Variants in CTNNA3 observed in about 807,000 individuals in gnomAD.
CTNNA3 encodes the protein catenin alpha-3.
CTNNA3 carries 76 observed loss-of-function variants against 95.7 expected under a neutral mutation model. The observed-to-expected ratio is 0.79, with a 90% CI of 0.66 to 0.96. The LOEUF is 0.96. Among genes scored for constraint, CTNNA3 ranks in the 40% least tolerant of loss-of-function variants. The pLI is 0.00. For missense variants in CTNNA3, 1,191 were observed against 1,089.8 expected, an observed-to-expected ratio of 1.09 and a Z score of -1.31; for synonymous variants, 431 against 374.4, an observed-to-expected ratio of 1.15 and a Z score of -1.74.
At chr10:66,460,529 C>T (rs896825484) in intron 11 of CTNNA3, among the ~76,000 whole-genome samples, 3 of 151,978 alleles carry the variant, frequency 2.0e-5, no homozygotes, top group African/African-American at 4.8e-5. Flanking sequence ...AAGGTTTTTT[C>T]CCCCTGCCCT....
At chr10:65,942,965 A>G (rs1324863040) in intron 17 of CTNNA3, among the ~76,000 whole-genome samples, 3 of 152,234 alleles carry the variant, frequency 2.0e-5, no homozygotes, top group Admixed American at 6.5e-5. Context: ...AGTAAAATAT[A>G]TAAAGAACTT....
At chr10:67,117,885 A>G (rs1859265707) in intron 7 of CTNNA3, among the ~76,000 whole-genome samples, 1 of 152,150 alleles carries the variant, frequency 6.6e-6, no homozygotes, top group African/African-American at 2.4e-5. Context: ...TCTGAATAAT[A>G]TGGAAGCACA....
At chr10:66,493,871 C>T (rs1340429488) in intron 11 of CTNNA3, among the ~76,000 whole-genome samples, 1 of 145,124 alleles carries the variant, frequency 6.9e-6, no homozygotes, top group African/African-American at 2.6e-5. Context: ...TCCCAAAGTG[C>T]TGGGATTACA....
chr10:66,353,007 T>C (rs1319261529), intron 12 of CTNNA3, among the ~76,000 whole-genome samples: 1 of 152,076 alleles, frequency 6.6e-6, no homozygotes, highest in Non-Finnish European at 1.5e-5. Context: ...GTGATTATTT[T>C]ATTATCATTA....
At chr10:67,572,108 A>G (rs1366746943) in intron 3 of CTNNA3, among the ~76,000 whole-genome samples, 8 of 152,224 alleles carry the variant, frequency 5.3e-5, no homozygotes, top group Admixed American at 5.2e-4. Context: ...TGTTGAAATG[A>G]TATATTTTAG....
chr10:66,835,617 C>A lies in CTNNA3; in HGVS notation c.1048-60093G>T, dbSNP rs575310603. 4.1e-4 allele frequency among the ~76,000 whole-genome samples: 63 copies of A among 152,262 alleles called. 2 individuals are homozygous for A. The South Asian group carries it at 0.013, about 31-fold the overall frequency. On this transcript the variant is annotated intron_variant, in intron 7 of 17. Transcript: ENST00000433211. ...CTGGAAGTGATACTTTTGACACACC[C>A]CCACCACCACCCACTGTGGGTGCTA...
At chr10:66,340,750 T>TGA (rs1455478700) in intron 12 of CTNNA3, among the ~76,000 whole-genome samples, 1 of 151,766 alleles carries the variant, frequency 6.6e-6, no homozygotes, top group Non-Finnish European at 1.5e-5. Flanking sequence ...GTAACCATCC[T>TGA]GAGAGATATA....
At chr10:66,935,993 T>C (rs1847674115) in intron 7 of CTNNA3, among the ~76,000 whole-genome samples, 1 of 152,144 alleles carries the variant, frequency 6.6e-6, no homozygotes, top group African/African-American at 2.4e-5. Flanking sequence ...AACATCCCTC[T>C]GCTAGTTAAA....
At chr10:67,145,965 A>C (rs1038470700) in intron 7 of CTNNA3, among the ~76,000 whole-genome samples, 2 of 152,092 alleles carry the variant, frequency 1.3e-5, no homozygotes. Flanking sequence ...TAGGAGAAAA[A>C]ATTTCTTCCT....
intron 10 of CTNNA3, among the ~76,000 whole-genome samples, chr10:66,548,239 T>C (rs1467474277): frequency 1.3e-5 from 2 of 152,130 alleles, no homozygotes; most frequent in African/African-American, 4.8e-5. Context: ...TTTGATATTA[T>C]TGAATATATT....
At chr10:66,779,672 C>G (rs1840453932) in intron 7 of CTNNA3, among the ~76,000 whole-genome samples, 1 of 152,098 alleles carries the variant, frequency 6.6e-6, no homozygotes, top group Non-Finnish European at 1.5e-5. Flanking sequence ...GGTTATGGAC[C>G]TCTTTCAAGG....
chr10:67,237,246 T>C (rs1865528550), intron 5 of CTNNA3, among the ~76,000 whole-genome samples: 1 of 145,682 alleles, frequency 6.9e-6, no homozygotes, highest in African/African-American at 2.5e-5. Context: ...CTGGATGAGA[T>C]TGGATACTAT....
intron 5 of CTNNA3, among the ~76,000 whole-genome samples, chr10:67,496,402 T>C (rs1264907050): frequency 6.6e-6 from 1 of 152,170 alleles, no homozygotes. Context: ...CAGCCTTTCA[T>C]AATTTACTAC....
chr10:67,102,549 G>A (rs2131948297), intron 7 of CTNNA3, among the ~76,000 whole-genome samples: 1 of 151,762 alleles, frequency 6.6e-6, no homozygotes, highest in East Asian at 1.9e-4. Flanking sequence ...AACCATCTAG[G>A]ACTTAGGCTA....
intron 5 of CTNNA3, among the ~76,000 whole-genome samples, chr10:67,484,630 A>G (rs1848373923): frequency 6.6e-6 from 1 of 152,206 alleles, no homozygotes; most frequent in Non-Finnish European, 1.5e-5. Context: ...ACCCCATTAA[A>G]AAGTGAGCAA....
At chr10:66,315,981 C>T (rs10822805) in intron 12 of CTNNA3, among the ~76,000 whole-genome samples, 18,181 of 151,972 alleles carry the variant, frequency 0.12, 1,292 homozygotes, top group East Asian at 0.25. Context: ...TCTTGAAAAC[C>T]GCAACTTTAA....
At chr10:66,856,297 C>T (rs527593548) in intron 7 of CTNNA3, among the ~76,000 whole-genome samples, 2 of 152,202 alleles carry the variant, frequency 1.3e-5, no homozygotes, top group African/African-American at 2.4e-5. Flanking sequence ...ATATGTACCA[C>T]ATTTTCTTTA....
chr10:67,192,236 C>T (rs1049358110), intron 6 of CTNNA3, among the ~76,000 whole-genome samples: 3 of 151,722 alleles, frequency 2.0e-5, no homozygotes, highest in African/African-American at 7.3e-5. Context: ...TTAAGTGGGA[C>T]TACTTATAAA....
chr10:67,633,498 C>T (rs1479511930), intron 2 of CTNNA3, among the ~76,000 whole-genome samples: 1 of 152,274 alleles, frequency 6.6e-6, no homozygotes, highest in African/African-American at 2.4e-5. Context: ...CATGTCAGTA[C>T]CCCCACTGGG....
Sources: gnomAD v4.1 joint callset for allele counts (sites outside exome capture counted in the v4.1 genomes callset) on GRCh38, gnomAD v4.1.1 for gene constraint, MANE v1.5 for transcripts, NCBI Gene and HGNC (gene_info 2026-07-23, HGNC 2026-07-21) for gene names.